The following ZNF277 variants were observed in gnomAD, a reference collection of about 807,000 sequenced individuals.
ZNF277 encodes the protein nuclear receptor-interacting factor 4.
Under a neutral mutation model 60.7 loss-of-function variants are expected in ZNF277, and 55 were observed. The observed-to-expected ratio is 0.91, with a 90% CI of 0.73 to 1.13. The LOEUF (loss-of-function observed/expected upper bound fraction) is 1.13. Among genes scored for constraint, ZNF277 ranks in the 50% most tolerant of loss-of-function variants. The pLI, the probability that ZNF277 is intolerant of heterozygous loss-of-function variation, is 0.00. For synonymous variants in ZNF277, 178 were observed against 179.3 expected (o/e 0.99, Z 0.06); for missense variants, 510 against 523.0 (o/e 0.98, Z 0.24).
intron 1 of ZNF277, among the ~76,000 whole-genome samples, chr7:112,233,703 T>A (rs938117345): frequency 3.3e-5 from 5 of 152,202 alleles, no homozygotes; most frequent in African/African-American, 1.2e-4. Context: ...TATATTTTGT[T>A]GAACAGTTTT....
chr7:112,213,823 TA>T (rs1471553767), intron 1 of ZNF277, among the ~76,000 whole-genome samples: 1 of 152,246 alleles, frequency 6.6e-6, no homozygotes, highest in Non-Finnish European at 1.5e-5. Context: ...GAAAAGATTT[TA>T]AAATCAGGCC....
intron 9 of ZNF277, 80 bp downstream of exon 9, chr7:112,337,906 T>C: frequency 8.5e-7 from 1 of 1,171,182 alleles, no homozygotes; most frequent in Non-Finnish European, 1.2e-6. Flanking sequence ...CATCTGCTTT[T>C]ACTTCAGTTT....
At chr7:112,207,943 C>A (rs1309150991) in intron 1 of ZNF277, among the ~76,000 whole-genome samples, 2 of 152,164 alleles carry the variant, frequency 1.3e-5, no homozygotes, top group East Asian at 1.9e-4. Flanking sequence ...GAATTTAACA[C>A]CCTAATGGTT....
chr7:112,305,330 G>A (rs1792564970), intron 4 of ZNF277, among the ~76,000 whole-genome samples: 1 of 152,002 alleles, frequency 6.6e-6, no homozygotes, highest in South Asian at 2.1e-4. Flanking sequence ...TGAATGCTTT[G>A]GAAGTGCTTT....
At chr7:112,279,984 T>A (rs561034317) in intron 1 of ZNF277, among the ~76,000 whole-genome samples, 2 of 152,244 alleles carry the variant, frequency 1.3e-5, no homozygotes, top group South Asian at 4.1e-4. Context: ...GGTGTAAACT[T>A]CTATTGAAAT....
intron 1 of ZNF277, among the ~76,000 whole-genome samples, chr7:112,272,488 GT>G (rs1791694844): frequency 6.6e-6 from 1 of 152,012 alleles, no homozygotes; most frequent in South Asian, 2.1e-4. Flanking sequence ...GTTTTTGTTT[GT>G]TTGTTTCTTT....
At chr7:112,327,872 T>C in intron 6 of ZNF277, 45 bp downstream of exon 6, 1 of 1,234,692 alleles carries the variant, frequency 8.1e-7, no homozygotes, top group Non-Finnish European at 1.1e-6. Context: ...GTTTTAATCT[T>C]GGACTCTGTT....
chr7:112,298,324 CTG>C (rs1792398887), intron 4 of ZNF277, among the ~76,000 whole-genome samples: 1 of 152,086 alleles, frequency 6.6e-6, no homozygotes, highest in African/African-American at 2.4e-5. Flanking sequence ...AGTAATAATG[CTG>C]TGTCTTAACA....
intron 6 of ZNF277, among the ~76,000 whole-genome samples, chr7:112,328,981 C>A (rs950928384): frequency 2.6e-5 from 4 of 152,092 alleles, no homozygotes; most frequent in Non-Finnish European, 4.4e-5. Flanking sequence ...TCCCTTCACC[C>A]TTTTGTTAAA....
chr7:112,207,372 G>GT (rs779508529), intron 1 of ZNF277, among the ~76,000 whole-genome samples: 1 of 152,172 alleles, frequency 6.6e-6, no homozygotes, highest in Non-Finnish European at 1.5e-5. Context: ...CCTGTAGATG[G>GT]TTAACTGCTC....
intron 4 of ZNF277, among the ~76,000 whole-genome samples, chr7:112,315,064 G>A (rs1792814493): frequency 6.6e-6 from 1 of 151,954 alleles, no homozygotes; most frequent in African/African-American, 2.4e-5. Context: ...ATATGTATGG[G>A]GAAAGTCCTT....
At chr7:112,238,380 A>G (rs1002011085) in intron 1 of ZNF277, among the ~76,000 whole-genome samples, 9 of 152,190 alleles carry the variant, frequency 5.9e-5, no homozygotes, top group African/African-American at 1.9e-4. Flanking sequence ...GCTAGGGGGA[A>G]CCATCCATTC....
At chr7:112,210,756 G>A (rs1821724339) in intron 1 of ZNF277, among the ~76,000 whole-genome samples, 1 of 152,144 alleles carries the variant, frequency 6.6e-6, no homozygotes, top group African/African-American at 2.4e-5. Flanking sequence ...ACAGGCGTGA[G>A]CTACTGCACC....
At chr7:112,214,138 T>G (rs1821822351) in intron 1 of ZNF277, among the ~76,000 whole-genome samples, 1 of 152,214 alleles carries the variant, frequency 6.6e-6, no homozygotes. Context: ...TTCCCATTCA[T>G]GCAAAAGAAT....
At chr7:112,268,935 A>G (rs1305576521) in intron 1 of ZNF277, among the ~76,000 whole-genome samples, 1 of 152,162 alleles carries the variant, frequency 6.6e-6, no homozygotes, top group East Asian at 1.9e-4. Context: ...AAGATTCTAC[A>G]TCTCTACACC....
At chr7:112,329,996 GAATA>G in intron 6 of ZNF277, 84 bp from the exon 7 acceptor site, 1 of 1,428,262 alleles carries the variant, frequency 7.0e-7, no homozygotes, top group South Asian at 1.4e-5. Context: ...AACCTAAAAT[GAATA>G]AATATGAAAC....
intron 1 of ZNF277, among the ~76,000 whole-genome samples, chr7:112,242,104 T>C (rs1253225095): frequency 2.0e-5 from 3 of 152,078 alleles, no homozygotes; most frequent in Non-Finnish European, 2.9e-5. Context: ...AAATATCTTA[T>C]GTACCCCATA....
At chr7:112,300,180 CAT>C (rs2117083578) in intron 4 of ZNF277, among the ~76,000 whole-genome samples, 1 of 152,268 alleles carries the variant, frequency 6.6e-6, no homozygotes, top group African/African-American at 2.4e-5. Flanking sequence ...ATGCTAGAAT[CAT>C]ATTTCTTTTT....
rs538390737 is a variant in ZNF277 at position 112,296,116 on chromosome 7, T to A, written c.383-113T>A. The A allele has an allele frequency of 1.2e-3, 1,185 of 993,348 alleles. 14 individuals carry two copies. Among genetic ancestry groups the A allele is most frequent in the Non-Finnish European group, 4.4e-5 (28 of 638,840 alleles). 61.5% of individuals were successfully genotyped at this position (993,348 alleles called of 1,614,324 possible). A position where few individuals can be genotyped will look rare whatever the true frequency, so the allele number is the denominator to read the frequency against. On this transcript the variant is annotated intron_variant, in intron 3 of 11. Transcript: ENST00000361822. The stretch of plus-strand genomic sequence containing the variant: ...CTTGAATAAAGCTAAAACAGTTCTA[T>A]GCCAAAGAGATCCTAATAGACACAC...
Sources: gnomAD v4.1 joint callset for allele counts (sites outside exome capture counted in the v4.1 genomes callset) on GRCh38, gnomAD v4.1.1 for gene constraint, MANE v1.5 for transcripts, NCBI Gene and HGNC (gene_info 2026-07-23, HGNC 2026-07-21) for gene names.